AGL: variants seen among roughly 807,000 people sequenced by gnomAD.
The protein encoded by AGL is glycogen debranching enzyme.
A neutral mutation model predicts 199.3 loss-of-function variants in AGL; 128 were observed. The observed-to-expected ratio is 0.64, with a 90% CI of 0.56 to 0.74. AGL has a LOEUF of 0.74. Ranked by LOEUF, AGL falls within the 30% of genes least tolerant of loss-of-function variation. The pLI, the probability that AGL is intolerant of heterozygous loss-of-function variation, is 0.00. For synonymous variants in AGL, 584 were observed against 594.7 expected, an observed-to-expected ratio of 0.98 and a Z score of 0.26; for missense variants, 1,809 against 1,820.8, an observed-to-expected ratio of 0.99 and a Z score of 0.12.
chr1:99,892,435 T>C lies in AGL; in HGVS notation c.3087T>C (p.Phe1029=), dbSNP rs2100792263. ...LDTAWKQMSS[F]VQNGSTFVKH... is the part of the protein sequence containing the mutation. ...AATTCAATCACTTTTGTTACAGCTT[T>C]GTTCAGAATGGTTCAACCTTTGTGA... Residue 1029 remains phenylalanine (F), a synonymous_variant, in exon 24 of 34, where the codon TTT becomes TTC. Transcript: ENST00000361915. 3.7e-6 allele frequency: 6 copies of C among 1,613,450 alleles called. No homozygotes were observed. The highest frequency in any genetic ancestry group is 5.1e-6 in the Non-Finnish European group (6 of 1,179,542).
chr1:99,882,852 T>C (rs1230262914), intron 17 of AGL, among the ~76,000 whole-genome samples: 1 of 152,310 alleles, frequency 6.6e-6, no homozygotes, highest in East Asian at 1.9e-4. Context: ...TGCTAGTTGC[T>C]GAATATGCAT....
At chr1:99,919,066 C>T (rs1353411988) in intron 33 of AGL, among the ~76,000 whole-genome samples, 2 of 152,124 alleles carry the variant, frequency 1.3e-5, no homozygotes, top group Non-Finnish European at 2.9e-5. Context: ...TCAGAGTTCT[C>T]TCTTTGTACA....
intron 2 of AGL, among the ~76,000 whole-genome samples, chr1:99,859,792 T>G (rs1356080044): frequency 6.6e-6 from 1 of 152,230 alleles, no homozygotes; most frequent in African/African-American, 2.4e-5. Flanking sequence ...TCCTCTCGCC[T>G]CGGCCTCCCA....
At chr1:99,903,350 T>C (rs944840974) in intron 27 of AGL, among the ~76,000 whole-genome samples, 2 of 152,150 alleles carry the variant, frequency 1.3e-5, no homozygotes, top group African/African-American at 4.8e-5. Context: ...GTATTCTCAT[T>C]GTTCAGTTCC....
At chr1:99,891,415 T>A (rs547457828) in intron 22 of AGL, 59 bp downstream of exon 22, 2 of 1,566,582 alleles carry the variant, frequency 1.3e-6, no homozygotes, top group Non-Finnish European at 1.8e-6. Context: ...AATATTACCA[T>A]GTTATATATA....
At chr1:99,864,634 A>C in intron 5 of AGL, 45 bp downstream of exon 5, 4 of 1,471,486 alleles carry the variant, frequency 2.7e-6, no homozygotes, top group Non-Finnish European at 3.8e-6. Flanking sequence ...ATGAGAATTT[A>C]TGCACACACA....
intron 25 of AGL, among the ~76,000 whole-genome samples, chr1:99,897,766 A>T (rs1653446984): frequency 6.6e-6 from 1 of 152,190 alleles, no homozygotes; most frequent in Non-Finnish European, 1.5e-5. Context: ...CTACCAACTG[A>T]CAAATTACCT....
intron 28 of AGL, 71 bp downstream of exon 28, chr1:99,910,918 A>C: frequency 6.6e-7 from 1 of 1,505,244 alleles, no homozygotes; most frequent in Admixed American, 1.8e-5. Flanking sequence ...GGAATCTTTT[A>C]TTCTGTTAAC....
chr1:99,896,372 C>A lies in AGL; in HGVS notation c.3346C>A (p.Arg1116Ser). Residue 1116 changes from arginine (R) to serine (S), a missense_variant, in exon 25 of 34, where the codon CGC (arginine) becomes AGC (serine). Coordinates refer to ENST00000361915, the MANE Select transcript of AGL (RefSeq NM_000642.3). ...TAGAGGTATACTGCTGATTACTGGA[C>A]GCTATGTAGAAGCCAGGTAGGAGAG... ...ALRGILLITG[R>S]YVEARNIILA... 2 of 1,613,572 alleles carry A rather than the reference C, an allele frequency of 1.2e-6. No individual in the cohort carries two copies. The highest frequency in any genetic ancestry group is 1.7e-6 in the Non-Finnish European group (2 of 1,179,574).
At chr1:99,889,977 C>G (rs1652750428) in intron 21 of AGL, among the ~76,000 whole-genome samples, 1 of 152,138 alleles carries the variant, frequency 6.6e-6, no homozygotes, top group Non-Finnish European at 1.5e-5. Context: ...TTCCCTTAAA[C>G]AAAATGTATT....
chr1:99,880,149 CAGTT>C (rs1220498469), intron 13 of AGL, 103 bp downstream of exon 13: 6 of 1,484,626 alleles, frequency 4.0e-6, no homozygotes, highest in African/African-American at 1.4e-5. Flanking sequence ...TTTTTTAACA[CAGTT>C]AATGTTCTTC....
chr1:99,857,811 A>AGAGGGAGACCGTGGGGAGGGGGG (rs1649662015), intron 2 of AGL, among the ~76,000 whole-genome samples: 1 of 26,314 alleles, frequency 3.8e-5, no homozygotes, highest in Non-Finnish European at 7.3e-5. Flanking sequence ...GGGGAGGGGG[A>AGAGGGAGACCGTGGGGAGGGGGG]GGGGGGAGAG....
chr1:99,861,065 C>A, intron 2 of AGL: 1 of 481,316 alleles, frequency 2.1e-6, no homozygotes, highest in Non-Finnish European at 2.8e-6. Flanking sequence ...CCAAGTTTTA[C>A]AGACTATCAC....
chr1:99,850,951 T>A, intron 1 of AGL, 24 bp from the exon 2 acceptor site: 1 of 1,076,870 alleles, frequency 9.3e-7, no homozygotes, highest in South Asian at 1.3e-5. Context: ...ATTTTCGATA[T>A]TTTAACTCCT....
At chr1:99,857,983 C>T (rs1284149734) in intron 2 of AGL, among the ~76,000 whole-genome samples, 1 of 152,040 alleles carries the variant, frequency 6.6e-6, no homozygotes. Flanking sequence ...AAGTTACAAA[C>T]AAAAAAGGCA....
chr1:99,857,376 C>T (rs1340008144), intron 2 of AGL, among the ~76,000 whole-genome samples: 4 of 151,988 alleles, frequency 2.6e-5, no homozygotes, highest in African/African-American at 4.8e-5. Context: ...GAAGGGTGGC[C>T]GGGCAGAGAC....
chr1:99,891,804 A>G, intron 23 of AGL, 65 bp downstream of exon 23: 12 of 1,590,318 alleles, frequency 7.5e-6, no homozygotes, highest in Non-Finnish European at 1.0e-5. Flanking sequence ...GAGTCACTTC[A>G]TACATGTTCT....
At position 99,923,855 on chromosome 1, in the gene AGL, T is replaced by C. The variant is rs1655676827; in HGVS notation, c.*2204T>C. ...AGTTTAGTATGCTGTGGTATTTTAA[T>C]AAGTTTTCAAAGATAATTGGGAAAA... is the stretch of plus-strand genomic sequence containing the variant. On this transcript the variant is annotated 3_prime_UTR_variant, in exon 34 of 34. Coordinates refer to ENST00000361915, the MANE Select transcript of AGL (RefSeq NM_000642.3). 6.6e-6 allele frequency: 1 copy of C among 152,212 alleles called. No homozygotes were observed. The highest frequency in any genetic ancestry group is 2.1e-4 in the South Asian group (1 of 4,836). 9.4% of individuals were successfully genotyped at this position (152,212 alleles called of 1,614,324 possible).
intron 7 of AGL, 172 bp from the exon 8 acceptor site, chr1:99,874,506 CGCACGTGCA>C (rs2101125278): frequency 3.3e-6 from 2 of 599,542 alleles, no homozygotes; most frequent in East Asian, 5.8e-5. Flanking sequence ...TGCGCGTGCA[CGCACGTGCA>C]CACACGTGCA....
Sources: allele counts gnomAD v4.1 joint callset (sites outside exome capture counted in the v4.1 genomes callset), GRCh38; gene constraint gnomAD v4.1.1; transcripts MANE v1.5; gene names NCBI Gene and HGNC (gene_info 2026-07-23, HGNC 2026-07-21).